The following GNG4 variants were observed in gnomAD, a reference collection of about 807,000 sequenced individuals.
GNG4 encodes G protein subunit gamma 4, also known as guanine nucleotide-binding protein G(I)/G(S)/G(O) subunit gamma-4.
A neutral mutation model predicts 5.8 loss-of-function variants in GNG4; 4 were observed. That is an observed-to-expected ratio of 0.69 (90% CI 0.34 to 1.57). The LOEUF is 1.57. GNG4 is among the 40% of genes most tolerant of loss of function. The probability of loss-of-function intolerance (pLI) is 0.06; values close to 1 mark genes in which losing one functional copy is unlikely to be tolerated. For missense variants in GNG4, 96 were observed against 95.1 expected, an observed-to-expected ratio of 1.01 and a Z score of -0.04; for synonymous variants, 29 against 32.9, an observed-to-expected ratio of 0.88 and a Z score of 0.41.
At chr1:235,615,787 G>A (rs1165748889) in intron 1 of GNG4, 3 of 261,518 alleles carry the variant, frequency 1.1e-5, no homozygotes, top group Non-Finnish European at 2.3e-5. Context: ...TGGGGACCTG[G>A]ACCACATGAG....
chr1:235,647,551 T>G (rs1478243017), intron 1 of GNG4, among the ~76,000 whole-genome samples: 1 of 152,206 alleles, frequency 6.6e-6, no homozygotes, highest in Non-Finnish European at 1.5e-5. Flanking sequence ...GGTTTGGGCG[T>G]GTAGGTCTTG....
chr1:235,555,775 T>C (rs1686886612), intron 3 of GNG4, among the ~76,000 whole-genome samples: 1 of 152,140 alleles, frequency 6.6e-6, no homozygotes, highest in Non-Finnish European at 1.5e-5. Flanking sequence ...GATACGTGTA[T>C]ACATTATAGA....
At chr1:235,568,421 G>A (rs1001300749) in intron 3 of GNG4, among the ~76,000 whole-genome samples, 1 of 152,110 alleles carries the variant, frequency 6.6e-6, no homozygotes, top group African/African-American at 2.4e-5. Flanking sequence ...TGGTCTTAAT[G>A]TATATTATCA....
At chr1:235,643,015 G>A (rs959655548) in intron 1 of GNG4, among the ~76,000 whole-genome samples, 2 of 152,062 alleles carry the variant, frequency 1.3e-5, no homozygotes, top group African/African-American at 4.8e-5. Flanking sequence ...CCAATCAGAC[G>A]GCCACCCCGA....
intron 3 of GNG4, among the ~76,000 whole-genome samples, chr1:235,572,850 C>G (rs1687379825): frequency 6.6e-6 from 1 of 152,074 alleles, no homozygotes; most frequent in African/African-American, 2.4e-5. Context: ...TATATGCAGT[C>G]TGTCGCTGAC....
At chr1:235,638,985 T>C (rs958753709) in intron 1 of GNG4, among the ~76,000 whole-genome samples, 7 of 152,300 alleles carry the variant, frequency 4.6e-5, no homozygotes, top group East Asian at 1.9e-4. Context: ...TGTGTCTTTA[T>C]AGTAGAATTA....
intron 1 of GNG4, among the ~76,000 whole-genome samples, chr1:235,641,320 C>G (rs1342887536): frequency 6.6e-6 from 1 of 152,122 alleles, no homozygotes; most frequent in Non-Finnish European, 1.5e-5. Context: ...AACTGGGGAG[C>G]TCAAGATTGC....
intron 1 of GNG4, among the ~76,000 whole-genome samples, chr1:235,636,739 T>G (rs777140813): frequency 6.6e-6 from 1 of 152,260 alleles, no homozygotes; most frequent in South Asian, 2.1e-4. Context: ...GGCGATGGCA[T>G]GCGGATGCCC....
chr1:235,629,428 C>T (rs760706918), intron 1 of GNG4, among the ~76,000 whole-genome samples: 4 of 151,990 alleles, frequency 2.6e-5, no homozygotes, highest in Admixed American at 6.6e-5. Context: ...CCTTTACTCT[C>T]GGGGACCTAG....
At chr1:235,622,238 T>C (rs1688726233) in intron 1 of GNG4, among the ~76,000 whole-genome samples, 6 of 152,166 alleles carry the variant, frequency 3.9e-5, no homozygotes, top group Admixed American at 1.3e-4. Flanking sequence ...TAGAAGTGTG[T>C]TGTTAGATTA....
intron 2 of GNG4, among the ~76,000 whole-genome samples, chr1:235,587,950 G>A (rs1036536957): frequency 5.3e-5 from 8 of 151,696 alleles, no homozygotes; most frequent in Admixed American, 3.9e-4. Flanking sequence ...GTGCACATGT[G>A]CACAGGTGGG....
chr1:235,622,964 C>G (rs568122451), intron 1 of GNG4, among the ~76,000 whole-genome samples: 5 of 151,660 alleles, frequency 3.3e-5, no homozygotes, highest in Non-Finnish European at 7.4e-5. Flanking sequence ...CGCTTGAACC[C>G]GGGAAGCAGA....
At chr1:235,597,104 G>A (rs1273698979) in intron 1 of GNG4, among the ~76,000 whole-genome samples, 3 of 152,198 alleles carry the variant, frequency 2.0e-5, no homozygotes, top group South Asian at 2.1e-4. Context: ...GCCATCCTCC[G>A]TAACTGTGAC....
chr1:235,556,691 G>A (rs1686918888), intron 3 of GNG4, among the ~76,000 whole-genome samples: 1 of 152,016 alleles, frequency 6.6e-6, no homozygotes, highest in African/African-American at 2.4e-5. Context: ...GGGGGTGGGG[G>A]GATGGTTTCA....
chr1:235,616,821 C>T (rs951722980), intron 1 of GNG4, among the ~76,000 whole-genome samples: 5 of 152,140 alleles, frequency 3.3e-5, no homozygotes, highest in African/African-American at 9.7e-5. Context: ...TCACTGAAAC[C>T]TCCACCTTCC....
intron 3 of GNG4, among the ~76,000 whole-genome samples, chr1:235,580,128 T>TA (rs1355983986): frequency 6.6e-6 from 1 of 152,204 alleles, no homozygotes; most frequent in African/African-American, 2.4e-5. Context: ...AGATGGATCT[T>TA]AAGGACGATA....
At chr1:235,570,107 A>G (rs562946659) in intron 3 of GNG4, among the ~76,000 whole-genome samples, 7 of 152,312 alleles carry the variant, frequency 4.6e-5, no homozygotes, top group African/African-American at 1.7e-4. Context: ...TATATCCTGA[A>G]GAGTATTTTC....
intron 1 of GNG4, among the ~76,000 whole-genome samples, chr1:235,601,715 C>T (rs765302478): frequency 7.3e-4 from 111 of 152,280 alleles, no homozygotes; most frequent in Non-Finnish European, 1.4e-3. Flanking sequence ...TTGTGACTCA[C>T]GTCTTGCCAA....
At chr1:235,567,146 CT>C (rs1454062744) in intron 3 of GNG4, among the ~76,000 whole-genome samples, 1 of 151,980 alleles carries the variant, frequency 6.6e-6, no homozygotes, top group Non-Finnish European at 1.5e-5. Flanking sequence ...GTTTCCCAGA[CT>C]GGTCTCAAAC....
Sources: gnomAD v4.1 joint callset for allele counts (sites outside exome capture counted in the v4.1 genomes callset) on GRCh38, gnomAD v4.1.1 for gene constraint, MANE v1.5 for transcripts, NCBI Gene and HGNC (gene_info 2026-07-23, HGNC 2026-07-21) for gene names.